The following GPC6 variants were observed in gnomAD, a reference collection of about 807,000 sequenced individuals.
GPC6 encodes glypican-6.
GPC6 carries 14 observed loss-of-function variants against 55.2 expected under a neutral mutation model. The ratio of observed to expected loss-of-function variants is 0.25; its 90% CI spans 0.17 to 0.40. The LOEUF is 0.40. Among genes scored for constraint, GPC6 ranks in the 10% least tolerant of loss-of-function variants. GPC6 has a pLI of 1.00. For missense variants in GPC6, 641 were observed against 708.5 expected (o/e 0.90, Z 1.08); for synonymous variants, 278 against 259.6 (o/e 1.07, Z -0.68).
intron 1 of GPC6, among the ~76,000 whole-genome samples, chr13:93,343,453 G>C (rs564295972): frequency 6.6e-6 from 1 of 152,124 alleles, no homozygotes; most frequent in Non-Finnish European, 1.5e-5. Context: ...ATACTCACCA[G>C]TAACATTGTT....
chr13:93,266,141 A>C (rs1165765527), intron 1 of GPC6, among the ~76,000 whole-genome samples: 1 of 152,188 alleles, frequency 6.6e-6, no homozygotes, highest in African/African-American at 2.4e-5. Flanking sequence ...TCTGATTTCC[A>C]ATAAGCAGGA....
At chr13:93,355,728 T>C (rs1880823794) in intron 1 of GPC6, among the ~76,000 whole-genome samples, 2 of 152,108 alleles carry the variant, frequency 1.3e-5, no homozygotes, top group Non-Finnish European at 2.9e-5. Context: ...TGGGGTTCTG[T>C]GTGGGAGCTG....
At chr13:94,401,642 G>A (rs961742135) in intron 8 of GPC6, among the ~76,000 whole-genome samples, 16 of 54,258 alleles carry the variant, frequency 2.9e-4, no homozygotes, top group African/African-American at 8.9e-4. Flanking sequence ...CTGGTCTAAC[G>A]TGATAATATG....
chr13:93,756,664 G>T (rs1308289839), intron 2 of GPC6, among the ~76,000 whole-genome samples: 3 of 152,098 alleles, frequency 2.0e-5, no homozygotes, highest in Non-Finnish European at 4.4e-5. Flanking sequence ...GTAGCGCTTT[G>T]TGTACAGAAC....
At chr13:93,554,365 T>C (rs1051362618) in intron 2 of GPC6, among the ~76,000 whole-genome samples, 2 of 152,220 alleles carry the variant, frequency 1.3e-5, no homozygotes, top group Non-Finnish European at 2.9e-5. Flanking sequence ...ACTTAGCTTA[T>C]GCTCCCATCC....
chr13:94,045,852 A>G (rs1883713465), intron 4 of GPC6, among the ~76,000 whole-genome samples: 1 of 151,944 alleles, frequency 6.6e-6, no homozygotes, highest in South Asian at 2.1e-4. Context: ...TCAGAAGAGA[A>G]TGTCCATAAT....
chr13:93,706,334 CCA>C (rs1240679007), intron 2 of GPC6, among the ~76,000 whole-genome samples: 1 of 151,832 alleles, frequency 6.6e-6, no homozygotes, highest in Admixed American at 6.6e-5. Context: ...CAATTTTTAA[CCA>C]GTTATACCCA....
At chr13:93,298,345 A>G (rs965393601) in intron 1 of GPC6, among the ~76,000 whole-genome samples, 2 of 152,186 alleles carry the variant, frequency 1.3e-5, no homozygotes, top group Admixed American at 6.5e-5. Flanking sequence ...GCTTCTGCTT[A>G]TCTTCCCAGG....
chr13:93,625,046 C>T (rs1350627369), intron 2 of GPC6, among the ~76,000 whole-genome samples: 4 of 151,984 alleles, frequency 2.6e-5, no homozygotes, highest in East Asian at 1.9e-4. Context: ...TACTATGCTC[C>T]GAATTTTCAT....
At chr13:93,354,595 A>C (rs182264764) in intron 1 of GPC6, among the ~76,000 whole-genome samples, 89 of 147,812 alleles carry the variant, frequency 6.0e-4, no homozygotes, top group African/African-American at 2.2e-3. Context: ...CGATCTCCTG[A>C]CCTCGTGATC....
chr13:93,758,615 T>C (rs1443861204), intron 2 of GPC6, among the ~76,000 whole-genome samples: 1 of 151,908 alleles, frequency 6.6e-6, no homozygotes, highest in Admixed American at 6.6e-5. Context: ...CATCAATAGG[T>C]ATATTTATCT....
intron 3 of GPC6, among the ~76,000 whole-genome samples, chr13:93,854,373 A>T (rs910788433): frequency 6.6e-6 from 1 of 151,660 alleles, no homozygotes; most frequent in African/African-American, 2.4e-5. Flanking sequence ...TTTAAAGATA[A>T]CCTTAAACCT....
intron 2 of GPC6, among the ~76,000 whole-genome samples, chr13:93,581,784 C>T (rs972056117): frequency 5.3e-5 from 8 of 152,172 alleles, no homozygotes; most frequent in African/African-American, 7.2e-5. Context: ...TGGAGAGCCA[C>T]GACAATTGTA....
At chr13:94,192,147 C>T (rs1006059792) in intron 4 of GPC6, among the ~76,000 whole-genome samples, 3 of 152,170 alleles carry the variant, frequency 2.0e-5, no homozygotes, top group African/African-American at 7.2e-5. Context: ...CAATATTTTA[C>T]ATAGAGGTTG....
At position 93,378,780 on chromosome 13, in the gene GPC6, G is replaced by C. The variant is rs552617202; in HGVS notation, c.160+151164G>C. On this transcript the variant is annotated intron_variant, in intron 1 of 8. Coordinates refer to ENST00000377047, the MANE Select transcript of GPC6 (RefSeq NM_005708.5). ...GGAGGCCGCAGCGGGTGGATCATCTGAGGTCAGGAGTTAGAGACCAGCCTG... is the reference window on the plus strand; with the variant it reads ...GGAGGCCGCAGCGGGTGGATCATCTCAGGTCAGGAGTTAGAGACCAGCCTG... Among the ~76,000 whole-genome samples the C allele has an allele frequency of 2.6e-5, 4 of 152,172 alleles. No individual in the cohort carries two copies. In the South Asian group the frequency reaches 8.3e-4, roughly 32 times the overall value.
chr13:93,568,450 A>C lies in GPC6; in HGVS notation c.319+23029A>C, dbSNP rs181026264. 1.2e-4 allele frequency among the ~76,000 whole-genome samples: 18 copies of C among 152,292 alleles called. No homozygotes were observed. In the East Asian group the frequency reaches 2.3e-3, roughly 20 times the overall value. On this transcript the variant is annotated intron_variant, in intron 2 of 8. Transcript: ENST00000377047. The stretch of plus-strand genomic sequence containing the variant: ...ACTGGTGAGCAAATATCTCCCTTGG[A>C]GATGTCAAGCTCAAGAGCAATAGAT...
intron 3 of GPC6, among the ~76,000 whole-genome samples, chr13:94,005,591 T>G (rs1391529588): frequency 6.6e-6 from 1 of 152,224 alleles, no homozygotes; most frequent in Non-Finnish European, 1.5e-5. Flanking sequence ...GTTGTACAAC[T>G]ACTGATCAGT....
intron 1 of GPC6, among the ~76,000 whole-genome samples, chr13:93,288,458 T>G (rs941499657): frequency 1.3e-5 from 2 of 152,176 alleles, no homozygotes; most frequent in African/African-American, 2.4e-5. Context: ...AAACTTTCTT[T>G]TTTTTCTTTC....
At chr13:93,518,140 C>T (rs1450230661) in intron 1 of GPC6, among the ~76,000 whole-genome samples, 2 of 151,844 alleles carry the variant, frequency 1.3e-5, no homozygotes, top group African/African-American at 2.4e-5. Flanking sequence ...AGCCTCAGAG[C>T]ACAGGAGCTC....
Sources: allele counts gnomAD v4.1 joint callset (sites outside exome capture counted in the v4.1 genomes callset), GRCh38; gene constraint gnomAD v4.1.1; transcripts MANE v1.5; gene names NCBI Gene and HGNC (gene_info 2026-07-23, HGNC 2026-07-21).